Variants in TULP4 observed in about 807,000 individuals in gnomAD.
The protein encoded by TULP4 is TUB like protein 4.
TULP4 carries 16 observed loss-of-function variants against 129.0 expected under a neutral mutation model. The observed-to-expected ratio is 0.12, with a 90% confidence interval of 0.08 to 0.19. The LOEUF (loss-of-function observed/expected upper bound fraction) is 0.19. TULP4 is among the 10% of genes least tolerant of loss of function. The pLI is 1.00. For missense variants in TULP4, 1,842 were observed against 2,059.1 expected, an observed-to-expected ratio of 0.89 and a Z score of 2.04; for synonymous variants, 998 against 854.0, an observed-to-expected ratio of 1.17 and a Z score of -2.94.
At chr6:158,269,863 C>T (rs910011652) in intron 1 of TULP4, among the ~76,000 whole-genome samples, 1 of 152,192 alleles carries the variant, frequency 6.6e-6, no homozygotes, top group Non-Finnish European at 1.5e-5. Context: ...GAGCCAGGCC[C>T]GGTGCCCGGC....
intron 8 of TULP4, among the ~76,000 whole-genome samples, chr6:158,489,171 C>T (rs767634752): frequency 6.6e-5 from 10 of 152,282 alleles, no homozygotes; most frequent in African/African-American, 1.2e-4. Flanking sequence ...GCTTGGCATC[C>T]GCAAGGGCCT....
At chr6:158,462,658 C>T (rs1779458759) in intron 6 of TULP4, among the ~76,000 whole-genome samples, 2 of 151,984 alleles carry the variant, frequency 1.3e-5, no homozygotes, top group Admixed American at 6.5e-5. Flanking sequence ...CAGGCATGAG[C>T]CACCATGCCC....
chr6:158,435,877 C>G (rs1015945616), intron 3 of TULP4, among the ~76,000 whole-genome samples: 1 of 152,226 alleles, frequency 6.6e-6, no homozygotes, highest in Middle Eastern at 3.4e-3. Context: ...GGGAATTGCT[C>G]ATCGTTTGTG....
In TULP4 at chr6:158,508,039, A is replaced by C. The variant is rs1453118702; in HGVS notation, c.*1345A>C. 2 of 152,140 alleles carry C rather than the reference A, an allele frequency of 1.3e-5. No individual in the cohort carries two copies. The highest frequency in any genetic ancestry group is 4.8e-5 in the African/African-American group (2 of 41,452). The allele number at this position is 152,140 out of a possible 1,614,324, so 9.4% of individuals were successfully genotyped here. A position where few individuals can be genotyped will look rare whatever the true frequency, so the allele number is the denominator to read the frequency against. On this transcript the variant is annotated 3_prime_UTR_variant, in exon 14 of 14. Transcript: ENST00000367097. ...GGTAGTTGGTTGATCACAGTTTGTTAATTGTATAAAAAAAAATTACCTAGA... is the reference window on the plus strand; with the variant it reads ...GGTAGTTGGTTGATCACAGTTTGTTCATTGTATAAAAAAAAATTACCTAGA...
chr6:158,250,838 A>G (rs1344799482), intron 1 of TULP4, among the ~76,000 whole-genome samples: 1 of 152,262 alleles, frequency 6.6e-6, no homozygotes, highest in Non-Finnish European at 1.5e-5. Context: ...CAAGACAGCC[A>G]AAACTTGATG....
At chr6:158,453,150 A>T (rs1184659964) in intron 5 of TULP4, among the ~76,000 whole-genome samples, 1 of 152,042 alleles carries the variant, frequency 6.6e-6, no homozygotes, top group Non-Finnish European at 1.5e-5. Flanking sequence ...TGCCTGAATT[A>T]TTCAGCAGTC....
At chr6:158,453,981 T>C (rs1779227465) in intron 5 of TULP4, among the ~76,000 whole-genome samples, 1 of 146,722 alleles carries the variant, frequency 6.8e-6, no homozygotes, top group Admixed American at 6.8e-5. Flanking sequence ...GTCTATATAC[T>C]TAACTGTTGG....
At chr6:158,482,276 T>G (rs965633197) in intron 8 of TULP4, among the ~76,000 whole-genome samples, 1 of 152,214 alleles carries the variant, frequency 6.6e-6, no homozygotes, top group South Asian at 2.1e-4. Flanking sequence ...CACAGTGTGG[T>G]GGGCTTGCTC....
intron 1 of TULP4, among the ~76,000 whole-genome samples, chr6:158,268,035 C>CTTTTTTTTTTTTTT (rs773811376): frequency 2.1e-4 from 15 of 72,764 alleles, no homozygotes; most frequent in Non-Finnish European, 3.4e-4. Context: ...TTTCTTTTTT[C>CTTTTTTTTTTTTTT]TTTTTTTTTT....
At chr6:158,309,777 C>T (rs1779305274), upstream of TULP4, among the ~76,000 whole-genome samples, 1 of 151,044 alleles carries the variant, frequency 6.6e-6, no homozygotes, top group Non-Finnish European at 1.5e-5. Flanking sequence ...CAATCGCAGG[C>T]ACTCGGCAGG....
At chr6:158,301,061 C>A (rs771556331) in intron 1 of TULP4, among the ~76,000 whole-genome samples, 2 of 152,118 alleles carry the variant, frequency 1.3e-5, no homozygotes, top group Admixed American at 6.5e-5. Flanking sequence ...GTTGGCGAAC[C>A]GCCTGTTGTA....
intron 6 of TULP4, among the ~76,000 whole-genome samples, chr6:158,473,863 G>A (rs1779750253): frequency 6.6e-6 from 1 of 151,768 alleles, no homozygotes; most frequent in African/African-American, 2.4e-5. Context: ...TGTCTCCCAG[G>A]CTGGAGTGCA....
At chr6:158,437,263 G>T (rs1041443404) in intron 3 of TULP4, among the ~76,000 whole-genome samples, 6 of 152,134 alleles carry the variant, frequency 3.9e-5, no homozygotes, top group Admixed American at 1.3e-4. Flanking sequence ...TATTTCAAAT[G>T]GTTTAAAAAT....
intron 1 of TULP4, among the ~76,000 whole-genome samples, chr6:158,370,931 C>T (rs545913009): frequency 6.3e-4 from 96 of 152,274 alleles, no homozygotes; most frequent in African/African-American, 2.1e-3. Context: ...TTTTGACATC[C>T]TGCAAGTGAG....
intron 3 of TULP4, among the ~76,000 whole-genome samples, chr6:158,443,931 A>T (rs994078050): frequency 1.3e-5 from 2 of 152,124 alleles, no homozygotes; most frequent in South Asian, 2.1e-4. Flanking sequence ...GTCTTAAAAA[A>T]TTTTTTGGCC....
chr6:158,357,574 C>T (rs185646695), intron 1 of TULP4, among the ~76,000 whole-genome samples: 22 of 152,332 alleles, frequency 1.4e-4, no homozygotes, highest in African/African-American at 5.3e-4. Flanking sequence ...GCTGTGCTTT[C>T]TGCTGTTGTT....
intron 1 of TULP4, among the ~76,000 whole-genome samples, chr6:158,297,665 C>T (rs181252724): frequency 1.3e-5 from 2 of 152,310 alleles, no homozygotes; most frequent in Admixed American, 6.5e-5. Context: ...TCCTCTGCCA[C>T]GGCTCCAGCT....
At chr6:158,423,135 G>GGAA (rs1778391423) in intron 2 of TULP4, among the ~76,000 whole-genome samples, 6 of 124,328 alleles carry the variant, frequency 4.8e-5, no homozygotes, top group Admixed American at 7.9e-5. Context: ...GGGGGGGGGG[G>GGAA]AAAGAAACCT....
intron 1 of TULP4, among the ~76,000 whole-genome samples, chr6:158,295,047 G>GT (rs1415721738): frequency 1.3e-5 from 2 of 152,120 alleles, no homozygotes; most frequent in Non-Finnish European, 2.9e-5. Context: ...AAGCAAACCT[G>GT]TAGTCAAAAG....
Sources: gnomAD v4.1 joint callset for allele counts (sites outside exome capture counted in the v4.1 genomes callset) on GRCh38, gnomAD v4.1.1 for gene constraint, MANE v1.5 for transcripts, NCBI Gene and HGNC (gene_info 2026-07-23, HGNC 2026-07-21) for gene names.